The following RRP12 variants were observed in gnomAD, a reference collection of about 807,000 sequenced individuals.
The protein encoded by RRP12 is RRP12-like protein.
A neutral mutation model predicts 157.3 loss-of-function variants in RRP12; 78 were observed. The ratio of observed to expected loss-of-function variants is 0.50; its 90% CI spans 0.41 to 0.60. RRP12 has a LOEUF of 0.60. Among genes scored for constraint, RRP12 ranks in the 20% least tolerant of loss-of-function variants. RRP12 has a pLI of 0.00. For synonymous variants in RRP12, 726 were observed against 670.9 expected (o/e 1.08, Z -1.27); for missense variants, 1,521 against 1,679.9 (o/e 0.91, Z 1.65).
rs1564772333 is a variant in RRP12 at position 97,397,992 on chromosome 10, C to CATATATATATATACATATATATATATAT, written c.370-1692_370-1691insATATATATATATATGTATATATATATAT. Among the ~76,000 whole-genome samples, 15 of 42,790 alleles carry CATATATATATATACATATATATATATAT rather than the reference C, an allele frequency of 3.5e-4. 2 individuals carry two copies. Among genetic ancestry groups the CATATATATATATACATATATATATATAT allele is most frequent in the Non-Finnish European group, 5.3e-4 (12 of 22,834 alleles). 28.1% of individuals were successfully genotyped at this position (42,790 alleles called of 152,430 possible). ...TAACAAAATTGGGTAAAAAAAAATACGTATATATATATACATATATATATA... is the reference window on the plus strand; with the variant it reads ...TAACAAAATTGGGTAAAAAAAAATACATATATATATATACATATATATATATATGTATATATATATACATATATATATA... On this transcript the variant is annotated intron_variant, in intron 2 of 33. Coordinates refer to ENST00000370992, the MANE Select transcript of RRP12 (RefSeq NM_015179.4).
chr10:97,363,932 C>CG (rs1554876340), intron 29 of RRP12, 29 bp from the exon 30 acceptor site: 1 of 1,609,254 alleles, frequency 6.2e-7, no homozygotes. Context: ...GGCCCATGAG[C>CG]GCTGTGGGAG....
In RRP12 at chr10:97,371,053, G is replaced by C; in HGVS notation, c.2372C>G (p.Ala791Gly). 6.2e-7 allele frequency: 1 copy of C among 1,613,780 alleles called. No homozygotes were observed. ...ESKAHGVQKK[A>G]YRVLEEVCAS... Reference sequence around the variant, plus strand: ...ACACACCTCCTCCAGCACTCGGTAGGCCTTCTTCTGCACCCCGTGGGCCTT... The same window carrying C: ...ACACACCTCCTCCAGCACTCGGTAGCCCTTCTTCTGCACCCCGTGGGCCTT... The change falls in exon 21 of 34, where the codon GCC becomes GGC. Residue 791 changes from alanine (A) to glycine (G), a missense_variant. Ala to Gly is a moderately conservative substitution (Grantham distance 60). Coordinates refer to ENST00000370992, the MANE Select transcript of RRP12 (RefSeq NM_015179.4).
In RRP12 at chr10:97,401,125, G is replaced by A. The variant is rs1380730403; in HGVS notation, c.107C>T (p.Ala36Val). 8.7e-6 allele frequency: 14 copies of A among 1,613,712 alleles called. 1 individual carries two copies. Reference protein sequence around the residue: ...SNPAICRHRQAARSRFFSRPS... With the variant: ...SNPAICRHRQVARSRFFSRPS... ...CCGGCTGAAGAAGCGGCTGCGGGCG[G>A]CCTGACGGTGGCGGCAGATGGCGGG... Residue 36 changes from alanine (A) to valine (V), a missense_variant, in exon 1 of 34, where the codon GCC becomes GTC. Transcript: ENST00000370992.
At chr10:97,363,440 G>A (rs977516388) in intron 30 of RRP12, among the ~76,000 whole-genome samples, 1 of 152,036 alleles carries the variant, frequency 6.6e-6, no homozygotes, top group African/African-American at 2.4e-5. Flanking sequence ...CCCTGGGCAG[G>A]CTACTTACCT....
At chr10:97,399,874 C>T (rs919994863) in intron 2 of RRP12, among the ~76,000 whole-genome samples, 12 of 151,850 alleles carry the variant, frequency 7.9e-5, no homozygotes, top group East Asian at 1.9e-4. Context: ...GTGAAGATTG[C>T]GCTACTGCAC....
Position 97,393,668 on chromosome 10 carries a change from A to T in RRP12, c.530+16T>A. On this transcript the variant is annotated intron_variant, in intron 4 of 33. Transcript: ENST00000370992. ...CCACAAAAAGCCTTGGGGTTCAAAC[A>T]GGAGGCAGAACTCACCGCTTCAGGA... The T allele has an allele frequency of 6.2e-7, 1 of 1,611,310 alleles. No individual in the cohort carries two copies. Among genetic ancestry groups the T allele is most frequent in the Non-Finnish European group, 8.5e-7 (1 of 1,177,612 alleles).
intron 15 of RRP12, among the ~76,000 whole-genome samples, chr10:97,377,141 G>A (rs911889980): frequency 1.3e-5 from 2 of 149,262 alleles, no homozygotes; most frequent in African/African-American, 4.9e-5. Context: ...CGGCCTCCCC[G>A]AGTGCTAGGA....
intron 19 of RRP12, 53 bp downstream of exon 19, chr10:97,372,683 C>A: frequency 7.0e-7 from 1 of 1,431,974 alleles, no homozygotes; most frequent in Non-Finnish European, 9.6e-7. Context: ...CCAGATGCAC[C>A]CTCCAGCTCC....
chr10:97,379,676 C>T lies in RRP12; in HGVS notation c.1628G>A (p.Gly543Glu). The T allele has an allele frequency of 6.2e-7, 1 of 1,614,056 alleles. No homozygotes were observed. Among genetic ancestry groups the T allele is most frequent in the Non-Finnish European group, 8.5e-7 (1 of 1,179,990 alleles). ...QAVGAAVTSM[G>E]PEVVLQAVPL... is the part of the protein sequence containing the mutation. Reference sequence around the variant, plus strand: ...CACAGCCTGCAGCACCACCTCAGGTCCCATACTGGTCACCGCAGCCCCCAC... The same window carrying T: ...CACAGCCTGCAGCACCACCTCAGGTTCCATACTGGTCACCGCAGCCCCCAC... Residue 543 changes from glycine (G) to glutamate (E), a missense_variant, in exon 14 of 34, where the codon GGA becomes GAA. Transcript: ENST00000370992.
intron 6 of RRP12, among the ~76,000 whole-genome samples, chr10:97,389,241 C>G (rs1036754512): frequency 3.3e-5 from 5 of 152,024 alleles, no homozygotes; most frequent in Admixed American, 1.3e-4. Flanking sequence ...CTACAGGCGC[C>G]CGCCACCACA....
chr10:97,359,984 A>T (rs1435320477), intron 31 of RRP12, among the ~76,000 whole-genome samples: 1 of 152,218 alleles, frequency 6.6e-6, no homozygotes, highest in Non-Finnish European at 1.5e-5. Context: ...GCTCTGCTGC[A>T]AGGGCTTGGG....
intron 15 of RRP12, among the ~76,000 whole-genome samples, chr10:97,377,854 A>G (rs956703658): frequency 2.0e-5 from 3 of 151,740 alleles, no homozygotes; most frequent in Non-Finnish European, 4.4e-5. Flanking sequence ...CAAAAAAAAA[A>G]AAAAAAAGAA....
intron 1 of RRP12, 112 bp downstream of exon 1, chr10:97,400,981 G>A (rs772708779): frequency 7.2e-5 from 95 of 1,316,500 alleles, no homozygotes; most frequent in Non-Finnish European, 9.2e-5. Flanking sequence ...CATCCTAAGA[G>A]ACGAAAGGTC....
At chr10:97,398,016 TATATATGTATATATATATACGTA>T (rs1845023356) in intron 2 of RRP12, among the ~76,000 whole-genome samples, 1 of 72,422 alleles carries the variant, frequency 1.4e-5, no homozygotes, top group Non-Finnish European at 3.0e-5. Context: ...CATATATATA[TATATATGTATATATATATACGTA>T]TTTTTTTTTT....
At chr10:97,399,858 C>A (rs1845087682) in intron 2 of RRP12, among the ~76,000 whole-genome samples, 1 of 152,046 alleles carries the variant, frequency 6.6e-6, no homozygotes, top group South Asian at 2.1e-4. Context: ...ATGGAGGTTG[C>A]AGTGAGTGAA....
At chr10:97,398,041 T>TA (rs1845032248) in intron 2 of RRP12, among the ~76,000 whole-genome samples, 1 of 40,830 alleles carries the variant, frequency 2.4e-5, no homozygotes, top group African/African-American at 1.3e-4. Context: ...ATATACGTAT[T>TA]TTTTTTTTTT....
rs778091880 is a variant in RRP12 at position 97,380,320 on chromosome 10, C to A, written c.1533+479G>T. On this transcript the variant is annotated intron_variant, in intron 13 of 33. Transcript: ENST00000370992. ...CCAGGAGCTGCTGTCTCTGCTGATG[C>A]GGGACCAGTCTGGGGGCTGTCCTCA... is the stretch of plus-strand genomic sequence containing the variant. Among the ~76,000 whole-genome samples the A allele has an allele frequency of 2.0e-5, 3 of 152,122 alleles. No homozygotes were observed. In the South Asian group the frequency reaches 6.2e-4, roughly 31 times the overall value.
intron 29 of RRP12, among the ~76,000 whole-genome samples, chr10:97,364,365 T>C (rs992064514): frequency 3.9e-5 from 6 of 152,142 alleles, no homozygotes; most frequent in African/African-American, 1.4e-4. Context: ...AGTATGAAAC[T>C]GACCAATTGG....
At chr10:97,362,037 G>A (rs180907021) in intron 30 of RRP12, among the ~76,000 whole-genome samples, 2 of 151,790 alleles carry the variant, frequency 1.3e-5, no homozygotes, top group Admixed American at 1.3e-4. Context: ...AACCTGGGAG[G>A]GGGAGGTTGC....
Sources: gnomAD v4.1 joint callset for allele counts (sites outside exome capture counted in the v4.1 genomes callset) on GRCh38, gnomAD v4.1.1 for gene constraint, MANE v1.5 for transcripts, NCBI Gene and HGNC (gene_info 2026-07-23, HGNC 2026-07-21) for gene names.